The following TGFBR3 variants were observed in gnomAD, a reference collection of about 807,000 sequenced individuals.
TGFBR3 encodes the protein transforming growth factor beta receptor type 3.
In TGFBR3, 46 loss-of-function variants were observed where a neutral mutation model predicts 87.9. The ratio of observed to expected loss-of-function variants is 0.52; its 90% CI spans 0.41 to 0.67. The LOEUF is 0.67. Ranked by LOEUF, TGFBR3 falls within the 30% of genes least tolerant of loss-of-function variation. The pLI is 0.00. For missense variants in TGFBR3, 866 were observed against 1,041.9 expected, an observed-to-expected ratio of 0.83 and a Z score of 2.32; for synonymous variants, 381 against 391.6, an observed-to-expected ratio of 0.97 and a Z score of 0.32.
chr1:91,742,547 T>C (rs1057384688), intron 4 of TGFBR3, among the ~76,000 whole-genome samples: 3 of 152,230 alleles, frequency 2.0e-5, no homozygotes, highest in African/African-American at 7.2e-5. Context: ...AAAAACCAAT[T>C]ATTAAAGCAT....
At chr1:91,814,889 T>C (rs1470338841) in intron 2 of TGFBR3, among the ~76,000 whole-genome samples, 2 of 152,192 alleles carry the variant, frequency 1.3e-5, no homozygotes, top group African/African-American at 4.8e-5. Context: ...TTCTACAACA[T>C]AGTCTTCTAA....
chr1:91,842,002 A>G (rs1474941237), intron 2 of TGFBR3, among the ~76,000 whole-genome samples: 1 of 151,384 alleles, frequency 6.6e-6, no homozygotes, highest in Non-Finnish European at 1.5e-5. Context: ...TTGAGAGGCT[A>G]AGGTAAGAGG....
intron 2 of TGFBR3, 130 bp downstream of exon 2, chr1:91,861,341 A>C: frequency 1.4e-6 from 1 of 736,472 alleles, no homozygotes; most frequent in South Asian, 1.5e-5. Flanking sequence ...TAGAGCCTAC[A>C]GTAAGCCATG....
intron 2 of TGFBR3, among the ~76,000 whole-genome samples, chr1:91,814,986 A>G (rs553102730): frequency 3.9e-5 from 6 of 152,328 alleles, no homozygotes; most frequent in African/African-American, 1.4e-4. Context: ...TCTCTACTAT[A>G]CTGTGAGCAA....
intron 5 of TGFBR3, among the ~76,000 whole-genome samples, chr1:91,733,524 T>G (rs1269784530): frequency 6.6e-6 from 1 of 152,302 alleles, no homozygotes; most frequent in East Asian, 1.9e-4. Context: ...CAGATCCAAA[T>G]AAGAGTTGGG....
At chr1:91,762,455 C>T (rs1212171728) in intron 3 of TGFBR3, among the ~76,000 whole-genome samples, 1 of 152,176 alleles carries the variant, frequency 6.6e-6, no homozygotes, top group Admixed American at 6.5e-5. Context: ...CACCGCTGGT[C>T]TTAAGATGTC....
At chr1:91,816,555 G>T (rs927631453) in intron 2 of TGFBR3, among the ~76,000 whole-genome samples, 33 of 152,174 alleles carry the variant, frequency 2.2e-4, no homozygotes, top group African/African-American at 7.5e-4. Context: ...TCCTGGGTTA[G>T]CAAATGTTCA....
chr1:91,764,713 T>A (rs2100914039), intron 3 of TGFBR3, among the ~76,000 whole-genome samples: 1 of 152,304 alleles, frequency 6.6e-6, no homozygotes, highest in African/African-American at 2.4e-5. Context: ...TATCATTCTT[T>A]GGCATTAAGA....
chr1:91,765,998 T>C (rs1674167539), intron 3 of TGFBR3, among the ~76,000 whole-genome samples: 2 of 152,140 alleles, frequency 1.3e-5, no homozygotes, highest in African/African-American at 4.8e-5. Flanking sequence ...AAGCCCCATA[T>C]AACTATGTGC....
intron 2 of TGFBR3, among the ~76,000 whole-genome samples, chr1:91,810,890 A>C (rs1454168321): frequency 6.6e-6 from 1 of 152,236 alleles, no homozygotes; most frequent in Non-Finnish European, 1.5e-5. Context: ...AAAAAATGCA[A>C]AAGAGAAACT....
intron 2 of TGFBR3, among the ~76,000 whole-genome samples, chr1:91,846,983 T>G (rs2101131190): frequency 6.6e-6 from 1 of 152,294 alleles, no homozygotes; most frequent in South Asian, 2.1e-4. Context: ...TCTGGTTCAA[T>G]TTCAAAAGCA....
chr1:91,708,998 A>G (rs191042550), intron 13 of TGFBR3, among the ~76,000 whole-genome samples: 28 of 152,322 alleles, frequency 1.8e-4, no homozygotes, highest in Admixed American at 4.6e-4. Flanking sequence ...GAAGATGCAA[A>G]TATCACTGGA....
At chr1:91,728,766 AT>A (rs929372007) in intron 6 of TGFBR3, among the ~76,000 whole-genome samples, 3 of 152,128 alleles carry the variant, frequency 2.0e-5, no homozygotes, top group Non-Finnish European at 2.9e-5. Flanking sequence ...CCCGATTAGC[AT>A]TTTCACCTCG....
chr1:91,735,779 T>C (rs375614560), intron 4 of TGFBR3, among the ~76,000 whole-genome samples: 13 of 152,326 alleles, frequency 8.5e-5, no homozygotes, highest in East Asian at 5.8e-4. Flanking sequence ...TCAAATTTAG[T>C]TGCTGGTGAA....
chr1:91,713,119 T>C (rs2100762607), intron 12 of TGFBR3, among the ~76,000 whole-genome samples: 1 of 152,324 alleles, frequency 6.6e-6, no homozygotes, highest in East Asian at 1.9e-4. Flanking sequence ...CGGTGCAACC[T>C]GGAGGCCATC....
chr1:91,793,129 G>A (rs980412231), intron 3 of TGFBR3, among the ~76,000 whole-genome samples: 9 of 152,076 alleles, frequency 5.9e-5, no homozygotes, highest in African/African-American at 1.9e-4. Flanking sequence ...CAACTTAAGC[G>A]TTACTGTCTC....
intron 2 of TGFBR3, among the ~76,000 whole-genome samples, chr1:91,813,477 C>T (rs1676098314): frequency 1.3e-5 from 2 of 152,218 alleles, no homozygotes; most frequent in Non-Finnish European, 2.9e-5. Context: ...AAGAGATATT[C>T]AACCTGTACA....
At chr1:91,837,395 A>C (rs1677103594) in intron 2 of TGFBR3, among the ~76,000 whole-genome samples, 1 of 152,026 alleles carries the variant, frequency 6.6e-6, no homozygotes, top group African/African-American at 2.4e-5. Context: ...ACAGGCATGC[A>C]CCATCACGCC....
At chr1:91,866,422 A>C (rs1282923244) in intron 1 of TGFBR3, among the ~76,000 whole-genome samples, 1 of 152,222 alleles carries the variant, frequency 6.6e-6, no homozygotes. Context: ...TCGGAATCAC[A>C]TCCAAGCACA....
Sources: gnomAD v4.1 joint callset for allele counts (sites outside exome capture counted in the v4.1 genomes callset) on GRCh38, gnomAD v4.1.1 for gene constraint, MANE v1.5 for transcripts, NCBI Gene and HGNC (gene_info 2026-07-23, HGNC 2026-07-21) for gene names.